LYN: variants seen among roughly 807,000 people sequenced by gnomAD.
The protein encoded by LYN is tyrosine-protein kinase Lyn.
A neutral mutation model predicts 65.0 loss-of-function variants in LYN; 12 were observed. That is an observed-to-expected ratio of 0.18 (90% CI 0.12 to 0.30). LYN has a LOEUF of 0.30. LYN is among the 10% of genes least tolerant of loss of function. The probability of loss-of-function intolerance (pLI) is 1.00; values close to 1 mark genes in which losing one functional copy is unlikely to be tolerated. For synonymous variants in LYN, 222 were observed against 221.2 expected, an observed-to-expected ratio of 1.00 and a Z score of -0.03; for missense variants, 380 against 623.2, an observed-to-expected ratio of 0.61 and a Z score of 4.16.
intron 1 of LYN, among the ~76,000 whole-genome samples, chr8:55,931,083 A>G (rs1486542701): frequency 6.7e-6 from 1 of 148,268 alleles, no homozygotes; most frequent in Non-Finnish European, 1.5e-5. Context: ...ACGTGTGTGT[A>G]TATATATATA....
intron 1 of LYN, among the ~76,000 whole-genome samples, chr8:55,936,293 G>A (rs1806435234): frequency 6.6e-6 from 1 of 152,166 alleles, no homozygotes; most frequent in Non-Finnish European, 1.5e-5. Context: ...GAAAACTCAT[G>A]GATCTGGAGC....
intron 4 of LYN, among the ~76,000 whole-genome samples, chr8:55,949,281 G>A (rs1806870369): frequency 6.6e-6 from 1 of 152,212 alleles, no homozygotes; most frequent in African/African-American, 2.4e-5. Context: ...CTATCCTGGG[G>A]CAAGTTACAA....
intron 10 of LYN, among the ~76,000 whole-genome samples, chr8:55,977,751 CAAAAAA>C (rs35305537): frequency 8.5e-6 from 1 of 117,638 alleles, no homozygotes; most frequent in Admixed American, 9.0e-5. Context: ...CTATCTCTAC[CAAAAAA>C]AAAAAAAAAA....
At chr8:55,956,938 G>A (rs1415672302) in intron 8 of LYN, among the ~76,000 whole-genome samples, 1 of 152,214 alleles carries the variant, frequency 6.6e-6, no homozygotes, top group African/African-American at 2.4e-5. Flanking sequence ...TGCTCTAAGT[G>A]TGTTTGCATT....
At chr8:55,979,238 C>T (rs1167432660) in intron 10 of LYN, among the ~76,000 whole-genome samples, 1 of 151,990 alleles carries the variant, frequency 6.6e-6, no homozygotes, top group Non-Finnish European at 1.5e-5. Context: ...AGTTGGGTTT[C>T]ACCATGTTGG....
chr8:55,998,646 GTTCTA>G (rs1808439349), intron 11 of LYN, 147 bp downstream of exon 11: 2 of 681,316 alleles, frequency 2.9e-6, no homozygotes, highest in African/African-American at 1.8e-5. Context: ...TCTGCTTATG[GTTCTA>G]TTCTAATAGT....
intron 1 of LYN, among the ~76,000 whole-genome samples, chr8:55,882,035 C>T (rs1386741746): frequency 6.6e-6 from 1 of 152,056 alleles, no homozygotes; most frequent in Non-Finnish European, 1.5e-5. Flanking sequence ...GTTTCTAAAA[C>T]GGGGATTTGA....
chr8:55,912,409 A>G (rs1805661867), intron 1 of LYN, among the ~76,000 whole-genome samples: 1 of 152,198 alleles, frequency 6.6e-6, no homozygotes, highest in East Asian at 1.9e-4. Context: ...GCGCTTAAGT[A>G]GTTTTTGAAA....
intron 6 of LYN, 68 bp from the exon 7 acceptor site, chr8:55,951,898 G>A (rs1585632369): frequency 8.1e-7 from 1 of 1,235,454 alleles, no homozygotes; most frequent in East Asian, 2.4e-5. Context: ...AATGTGTACT[G>A]CAGTTGTTGT....
Position 55,980,880 on chromosome 8 carries a change from C to T in LYN, c.1050+11087C>T, listed in dbSNP as rs545809273. Among the ~76,000 whole-genome samples the T allele has an allele frequency of 5.9e-5, 9 of 152,348 alleles. No homozygotes were observed. The South Asian group carries it at 1.9e-3, about 32-fold the overall frequency. The stretch of plus-strand genomic sequence containing the variant: ...TGAAACCATCACCAACATCCACCTG[C>T]AGAACTCTTTCATCTTCCCAGACGG... On this transcript the variant is annotated intron_variant, in intron 10 of 12. Coordinates refer to ENST00000519728, the MANE Select transcript of LYN (RefSeq NM_002350.4).
At chr8:55,962,367 G>C (rs889736372) in intron 8 of LYN, among the ~76,000 whole-genome samples, 1 of 151,532 alleles carries the variant, frequency 6.6e-6, no homozygotes, top group Non-Finnish European at 1.5e-5. Flanking sequence ...GTGCTTTTGC[G>C]TGTGGCTACA....
intron 9 of LYN, among the ~76,000 whole-genome samples, chr8:55,968,115 T>C (rs1182413432): frequency 6.6e-6 from 1 of 152,190 alleles, no homozygotes; most frequent in Non-Finnish European, 1.5e-5. Flanking sequence ...GTGGCTTGGG[T>C]TGCCATATAT....
At chr8:55,994,908 A>G (rs1456921534) in intron 10 of LYN, among the ~76,000 whole-genome samples, 2 of 152,176 alleles carry the variant, frequency 1.3e-5, no homozygotes, top group Non-Finnish European at 2.9e-5. Flanking sequence ...TGAGCCAGGC[A>G]TCGTGGTTCT....
At chr8:55,976,257 G>A (rs1202358411) in intron 10 of LYN, among the ~76,000 whole-genome samples, 2 of 150,148 alleles carry the variant, frequency 1.3e-5, no homozygotes, top group East Asian at 3.9e-4. Context: ...AACCCAGGAG[G>A]CAGAGGTTGC....
Position 55,906,487 on chromosome 8 carries a change from G to T in LYN, c.-6+26384G>T, listed in dbSNP as rs148732118. Among the ~76,000 whole-genome samples the T allele has an allele frequency of 4.9e-3, 748 of 152,156 alleles. 4 individuals carry two copies. Among genetic ancestry groups the T allele is most frequent in the African/African-American group, 0.017 (708 of 41,516 alleles). On this transcript the variant is annotated intron_variant, in intron 1 of 12. Transcript: ENST00000519728. ...TGATTCACCTTCAGCCTCCCAAGTA[G>T]CTGGGATTACATGTGCCCACCACCA... is the stretch of plus-strand genomic sequence containing the variant.
intron 1 of LYN, among the ~76,000 whole-genome samples, chr8:55,930,898 C>T: frequency 6.6e-6 from 1 of 152,078 alleles, no homozygotes; most frequent in Non-Finnish European, 1.5e-5. Flanking sequence ...GTAATCCTCC[C>T]AGCTTGGCCT....
intron 1 of LYN, among the ~76,000 whole-genome samples, chr8:55,903,251 C>G (rs921864309): frequency 1.1e-4 from 17 of 152,214 alleles, no homozygotes; most frequent in African/African-American, 3.9e-4. Context: ...CCTCAGCCTC[C>G]CAAAGTGCTG....
At chr8:55,950,297 G>C (rs1806903560) in intron 4 of LYN, among the ~76,000 whole-genome samples, 162 bp from the exon 5 acceptor site, 1 of 152,158 alleles carries the variant, frequency 6.6e-6, no homozygotes, top group South Asian at 2.1e-4. Flanking sequence ...GAGTATAGTT[G>C]CTGGGTCCTG....
chr8:56,007,273 A>G (rs1808699721), intron 12 of LYN, among the ~76,000 whole-genome samples: 1 of 152,236 alleles, frequency 6.6e-6, no homozygotes. Flanking sequence ...CCAAGAAAGC[A>G]GAAGTATACA....
Sources: allele counts gnomAD v4.1 joint callset (sites outside exome capture counted in the v4.1 genomes callset), GRCh38; gene constraint gnomAD v4.1.1; transcripts MANE v1.5; gene names NCBI Gene and HGNC (gene_info 2026-07-23, HGNC 2026-07-21).